Variants in RNF168 observed in about 807,000 individuals in gnomAD.
The protein encoded by RNF168 is E3 ubiquitin-protein ligase RNF168.
RNF168 carries 34 observed loss-of-function variants against 34.9 expected under a neutral mutation model. That is an observed-to-expected ratio of 0.97 (90% CI 0.74 to 1.30). The LOEUF (loss-of-function observed/expected upper bound fraction) is 1.30. Among genes scored for constraint, RNF168 ranks in the 50% most tolerant of loss-of-function variants. The pLI is 0.00. For missense variants in RNF168, 725 were observed against 682.5 expected (o/e 1.06, Z -0.69); for synonymous variants, 264 against 254.7 (o/e 1.04, Z -0.35).
rs534851227 is a variant in RNF168, at chr3:196,490,674, T to C, written c.302-1991A>G. ...AATCTTCCAACTTAAATAGTGGCAT[T>C]GGATGGGTCACAAAAAACATGCACA... On this transcript the variant is annotated intron_variant, in intron 1 of 5. Transcript: ENST00000318037. Among the ~76,000 whole-genome samples the C allele has an allele frequency of 7.9e-5, 12 of 151,984 alleles. No homozygotes were observed. The South Asian group carries it at 2.5e-3, about 32-fold the overall frequency.
At chr3:196,501,796 T>C (rs906021519) in intron 1 of RNF168, among the ~76,000 whole-genome samples, 1 of 152,042 alleles carries the variant, frequency 6.6e-6, no homozygotes, top group African/African-American at 2.4e-5. Flanking sequence ...GAATTTATGT[T>C]ACCCAGACCG....
At chr3:196,475,482 T>TAA in intron 4 of RNF168, 170 bp from the exon 5 acceptor site, 2 of 623,618 alleles carry the variant, frequency 3.2e-6, no homozygotes, top group Non-Finnish European at 5.8e-6. Context: ...GGACAAAACT[T>TAA]AAATGATTGA....
chr3:196,486,015 G>A (rs1732413492), intron 3 of RNF168, among the ~76,000 whole-genome samples: 1 of 152,152 alleles, frequency 6.6e-6, no homozygotes, highest in African/African-American at 2.4e-5. Flanking sequence ...AGGTTACTCT[G>A]CCAGGCTCGT....
intron 4 of RNF168, among the ~76,000 whole-genome samples, chr3:196,481,435 T>C (rs1463316073): frequency 6.6e-6 from 1 of 150,512 alleles, no homozygotes; most frequent in Admixed American, 6.6e-5. Flanking sequence ...AGAAAGACTG[T>C]CTGGAAAAAA....
chr3:196,481,874 G>C (rs962898480), intron 4 of RNF168, among the ~76,000 whole-genome samples: 1 of 149,486 alleles, frequency 6.7e-6, no homozygotes, highest in African/African-American at 2.5e-5. Context: ...GGCTGGTCTT[G>C]AACTCCTCCT....
chr3:196,474,035 G>A (rs540378026), intron 5 of RNF168, among the ~76,000 whole-genome samples: 1 of 151,944 alleles, frequency 6.6e-6, no homozygotes, highest in Non-Finnish European at 1.5e-5. Context: ...CTTTTTCCAG[G>A]CTATCACCTT....
At chr3:196,484,870 G>C (rs1166261317) in intron 3 of RNF168, among the ~76,000 whole-genome samples, 1 of 151,944 alleles carries the variant, frequency 6.6e-6, no homozygotes, top group African/African-American at 2.4e-5. Context: ...TGCCCAGGCT[G>C]GTCTCCAACT....
Position 196,472,258 on chromosome 3 carries a change from G to A in RNF168, c.1277C>T (p.Thr426Ile), listed in dbSNP as rs749362990. ...ATGCTCCAAATCTATCAGTTTTTGG[G>A]TAAAGTTTATTTCTGTTTCCTCTTG... is the stretch of plus-strand genomic sequence containing the variant. ...PDQEETEINF[T>I]QKLIDLEHLL... is the part of the protein sequence containing the mutation. The change falls in exon 6 of 6, where the codon ACC (threonine) becomes ATC (isoleucine). Residue 426 changes from threonine (T) to isoleucine (I), a missense_variant. Coordinates refer to ENST00000318037, the MANE Select transcript of RNF168 (RefSeq NM_152617.4). 2 of 1,614,010 alleles carry A rather than the reference G, an allele frequency of 1.2e-6. No individual in the cohort carries two copies. Among genetic ancestry groups the A allele is most frequent in the Admixed American group, 1.7e-5 (1 of 59,996 alleles).
intron 1 of RNF168, among the ~76,000 whole-genome samples, chr3:196,493,474 C>G (rs1489852868): frequency 6.6e-6 from 1 of 152,100 alleles, no homozygotes; most frequent in African/African-American, 2.4e-5. Context: ...CCTGCCCTAG[C>G]CTCCTGAAGC....
Position 196,471,730 on chromosome 3 carries a change from A to C in RNF168, c.*89T>G. 1.1e-6 allele frequency: 1 copy of C among 886,706 alleles called. No individual in the cohort carries two copies. Among genetic ancestry groups the C allele is most frequent in the Admixed American group, 1.8e-5 (1 of 55,760 alleles). The allele number at this position is 886,706 out of a possible 1,614,324, so 54.9% of individuals were successfully genotyped here. A position where few individuals can be genotyped will look rare whatever the true frequency, so the allele number is the denominator to read the frequency against. ...ACAATGAGTGTGCCTAGAGAGCAGC[A>C]TGAATGACACATGGATGAAGATTCC... On this transcript the variant is annotated 3_prime_UTR_variant, in exon 6 of 6. Transcript: ENST00000318037.
intron 1 of RNF168, among the ~76,000 whole-genome samples, chr3:196,492,317 A>G (rs747555667): frequency 6.6e-6 from 1 of 151,666 alleles, no homozygotes; most frequent in Non-Finnish European, 1.5e-5. Flanking sequence ...TGGGCAACAT[A>G]GCAAGACCCC....
At chr3:196,502,162 G>A (rs955896646) in intron 1 of RNF168, among the ~76,000 whole-genome samples, 4 of 151,496 alleles carry the variant, frequency 2.6e-5, no homozygotes, top group Non-Finnish European at 2.9e-5. Context: ...CACATTAGTG[G>A]AGGAAAGAGT....
chr3:196,468,938 A>C lies in RNF168; in HGVS notation c.*2881T>G, dbSNP rs916314661. ...TGATACATTTATTAGTTTCTAACAA[A>C]AAGGCATACATGGTAGGCAGAGTAG... On this transcript the variant is annotated 3_prime_UTR_variant, in exon 6 of 6. Transcript: ENST00000318037. 4.6e-5 allele frequency: 7 copies of C among 152,244 alleles called. No homozygotes were observed. Among genetic ancestry groups the C allele is most frequent in the African/African-American group, 1.7e-4 (7 of 41,470 alleles). The allele number at this position is 152,244 out of a possible 1,614,324, so 9.4% of individuals were successfully genotyped here. A position where few individuals can be genotyped will look rare whatever the true frequency, so the allele number is the denominator to read the frequency against.
At chr3:196,482,165 T>A (rs1266717697) in intron 4 of RNF168, among the ~76,000 whole-genome samples, 1 of 152,146 alleles carries the variant, frequency 6.6e-6, no homozygotes, top group African/African-American at 2.4e-5. Flanking sequence ...TTTAGCCACA[T>A]ACCAGTTTTC....
At position 196,472,055 on chromosome 3, in the gene RNF168, G is replaced by A. The variant is rs775936226; in HGVS notation, c.1480C>T (p.Pro494Ser). Residue 494 changes from proline to serine, a missense_variant, in exon 6 of 6, where the codon CCC (proline) becomes TCC (serine). Physicochemically the swap from Pro to Ser is moderately conservative, Grantham distance 74 (BLOSUM62 -1). Coordinates refer to ENST00000318037, the MANE Select transcript of RNF168 (RefSeq NM_152617.4). ...DKVLNGQRKN[P>S]KDGNFKRQTH... is the part of the protein sequence containing the mutation. Reference sequence around the variant, plus strand: ...TGCCTTTTGAAGTTCCCATCTTTGGGATTCTTCCTCTGTCCATTTAGCACT... The same window carrying A: ...TGCCTTTTGAAGTTCCCATCTTTGGAATTCTTCCTCTGTCCATTTAGCACT... The A allele has an allele frequency of 6.2e-6, 10 of 1,613,758 alleles. No individual in the cohort carries two copies. Among genetic ancestry groups the A allele is most frequent in the South Asian group, 1.1e-5 (1 of 91,034 alleles).
chr3:196,474,158 C>T (rs1026936414), intron 5 of RNF168, among the ~76,000 whole-genome samples: 10 of 139,852 alleles, frequency 7.2e-5, no homozygotes, highest in Admixed American at 5.2e-4. Flanking sequence ...GGTGGAGTCT[C>T]ACTCTGTCAT....
In RNF168 at chr3:196,472,188, C is replaced by CA; in HGVS notation, c.1346dup (p.Leu449PhefsTer11). On this transcript the variant is annotated frameshift_variant, in exon 6 of 6. Transcript: ENST00000318037. LOFTEE classifies it high-confidence loss of function. The stretch of plus-strand genomic sequence containing the variant: ...CCACCTCCTTCTGAAGTTGTAATGC[C>CA]AATAACCTGTCCTGTTCTTCTTGTT... 6.2e-7 allele frequency: 1 copy of CA among 1,614,012 alleles called. No individual in the cohort carries two copies.
rs773360029 is a variant in RNF168, at chr3:196,472,162, T to G, written c.1373A>C (p.Asp458Ala). 1.5e-5 allele frequency: 24 copies of G among 1,614,170 alleles called. No individual in the cohort carries two copies. In the East Asian group the frequency reaches 5.3e-4, roughly 36 times the overall value. ...CCGGTTTGGCACCATTTGCTCTTTA[T>G]CCACCTCCTTCTGAAGTTGTAATGC... Reference protein sequence around the residue: ...LLALQLQKEVDKEQMVPNRQK... With the variant: ...LLALQLQKEVAKEQMVPNRQK... Residue 458 changes from aspartate (D) to alanine (A), a missense_variant, in exon 6 of 6, where the codon GAT (aspartate) becomes GCT (alanine). Physicochemically the swap from Asp to Ala is moderately radical, Grantham distance 126. Transcript: ENST00000318037.
intron 1 of RNF168, among the ~76,000 whole-genome samples, chr3:196,499,693 T>C (rs1202120936): frequency 6.6e-6 from 1 of 152,096 alleles, no homozygotes; most frequent in South Asian, 2.1e-4. Flanking sequence ...TGGTGTCGCA[T>C]GCCTGTAATC....
Sources: gnomAD v4.1 joint callset for allele counts (sites outside exome capture counted in the v4.1 genomes callset) on GRCh38, gnomAD v4.1.1 for gene constraint, MANE v1.5 for transcripts, NCBI Gene and HGNC (gene_info 2026-07-23, HGNC 2026-07-21) for gene names.